Variants in UGGT2 observed in about 807,000 individuals in gnomAD.
The protein encoded by UGGT2 is UDP-glucose:glycoprotein glucosyltransferase 2.
A neutral mutation model predicts 192.1 loss-of-function variants in UGGT2; 180 were observed. The observed-to-expected ratio is 0.94, with a 90% CI of 0.83 to 1.06. UGGT2 has a LOEUF of 1.06. UGGT2 is among the 50% of genes least tolerant of loss of function. The pLI is 0.00. For synonymous variants in UGGT2, 580 were observed against 591.0 expected (o/e 0.98, Z 0.27); for missense variants, 1,849 against 1,795.7 (o/e 1.03, Z -0.54).
chr13:95,956,468 A>C (rs953288203), intron 12 of UGGT2, among the ~76,000 whole-genome samples: 25 of 152,236 alleles, frequency 1.6e-4, no homozygotes, highest in Non-Finnish European at 3.7e-4. Flanking sequence ...AACTCAACAA[A>C]AAACAAAGAA....
At chr13:95,912,089 AAAT>A (rs1309829362) in intron 20 of UGGT2, among the ~76,000 whole-genome samples, 1 of 152,194 alleles carries the variant, frequency 6.6e-6, no homozygotes, top group African/African-American at 2.4e-5. Context: ...ACATATCTCA[AAAT>A]AATAAGAGCT....
intron 1 of UGGT2, among the ~76,000 whole-genome samples, chr13:96,033,660 G>A (rs564656762): frequency 2.6e-4 from 39 of 152,176 alleles, no homozygotes; most frequent in Non-Finnish European, 5.1e-4. Context: ...CCCAATCCCT[G>A]CTTCAATTTC....
At chr13:95,956,163 A>G (rs2050206148) in intron 12 of UGGT2, among the ~76,000 whole-genome samples, 1 of 152,208 alleles carries the variant, frequency 6.6e-6, no homozygotes, top group Admixed American at 6.5e-5. Flanking sequence ...TTCAAAACTG[A>G]CTATAAAGCT....
At chr13:95,957,973 G>A (rs139154104) in intron 12 of UGGT2, among the ~76,000 whole-genome samples, 118 of 152,168 alleles carry the variant, frequency 7.8e-4, no homozygotes, top group African/African-American at 2.7e-3. Flanking sequence ...GAAAGAATAC[G>A]GTCTAAAGAG....
chr13:95,927,308 A>G lies in UGGT2; in HGVS notation c.2006T>C (p.Ile669Thr), dbSNP rs540044487. 1.1e-4 allele frequency: 179 copies of G among 1,609,690 alleles called. No homozygotes were observed. In the South Asian group the frequency reaches 1.7e-3, roughly 15 times the overall value. Reference sequence around the variant, plus strand: ...ATTATTCCTATCCATTAGAAAATCAATTGCATTCGTGCGATCATTTAATGT... The same window carrying G: ...ATTATTCCTATCCATTAGAAAATCAGTTGCATTCGTGCGATCATTTAATGT... ...LGTLNDRTNAIDFLMDRNNVV... is the reference protein window; with the variant it reads ...LGTLNDRTNATDFLMDRNNVV... The change falls in exon 18 of 39, where the codon ATT becomes ACT. Residue 669 changes from isoleucine to threonine, a missense_variant. Transcript: ENST00000376747.
At chr13:95,834,175 A>T (rs923308609) in intron 37 of UGGT2, among the ~76,000 whole-genome samples, 1 of 152,014 alleles carries the variant, frequency 6.6e-6, no homozygotes, top group African/African-American at 2.4e-5. Flanking sequence ...TTAAAAAAAT[A>T]AAAATATTAT....
At chr13:95,927,836 G>A (rs1381018654) in intron 17 of UGGT2, among the ~76,000 whole-genome samples, 2 of 152,194 alleles carry the variant, frequency 1.3e-5, no homozygotes, top group Non-Finnish European at 2.9e-5. Context: ...TTGTGTCCCT[G>A]GGTACTTGAG....
chr13:95,876,425 C>T (rs1317960232), intron 29 of UGGT2, among the ~76,000 whole-genome samples: 2 of 152,110 alleles, frequency 1.3e-5, no homozygotes, highest in African/African-American at 4.8e-5. Context: ...GGTGGTTGGA[C>T]AGGCTTGGAA....
chr13:95,973,002 C>T (rs2050823356), intron 10 of UGGT2, among the ~76,000 whole-genome samples: 1 of 152,132 alleles, frequency 6.6e-6, no homozygotes, highest in Non-Finnish European at 1.5e-5. Context: ...GAAACCCCAT[C>T]TCTACTAAAC....
chr13:95,991,868 T>C (rs1175357675), intron 7 of UGGT2, among the ~76,000 whole-genome samples: 1 of 152,198 alleles, frequency 6.6e-6, no homozygotes, highest in African/African-American at 2.4e-5. Context: ...ACTGAGTCAC[T>C]GTGGAAGACT....
intron 12 of UGGT2, among the ~76,000 whole-genome samples, chr13:95,949,970 A>C (rs1279972971): frequency 1.3e-5 from 2 of 152,312 alleles, no homozygotes; most frequent in Admixed American, 6.5e-5. Context: ...CCACCAATCA[A>C]GAAGTGAGGC....
chr13:95,859,453 T>G, intron 33 of UGGT2, 138 bp downstream of exon 33: 1 of 667,306 alleles, frequency 1.5e-6, no homozygotes, highest in South Asian at 2.2e-5. Flanking sequence ...AGAATTTTTC[T>G]TAAGCTACAT....
chr13:95,907,203 G>T (rs745492609), intron 20 of UGGT2, among the ~76,000 whole-genome samples: 2 of 152,222 alleles, frequency 1.3e-5, no homozygotes, highest in South Asian at 4.1e-4. Flanking sequence ...GCCTGGCTGG[G>T]GGAGGGGCGT....
intron 38 of UGGT2, among the ~76,000 whole-genome samples, chr13:95,824,952 T>G (rs1236124380): frequency 6.6e-6 from 1 of 152,198 alleles, no homozygotes; most frequent in Non-Finnish European, 1.5e-5. Flanking sequence ...TTTTAATTTC[T>G]TCTTTCCCCC....
chr13:95,833,363 T>C (rs889547033), intron 37 of UGGT2, among the ~76,000 whole-genome samples: 2 of 152,200 alleles, frequency 1.3e-5, no homozygotes, highest in African/African-American at 4.8e-5. Flanking sequence ...ATTACCACTA[T>C]GTAGAAGAAC....
intron 38 of UGGT2, among the ~76,000 whole-genome samples, chr13:95,818,278 T>C (rs985540951): frequency 3.9e-5 from 6 of 152,166 alleles, no homozygotes; most frequent in Non-Finnish European, 8.8e-5. Context: ...ATGCACTACA[T>C]GCAAGCCTGG....
At chr13:96,029,099 C>T (rs1433853549) in intron 2 of UGGT2, among the ~76,000 whole-genome samples, 3 of 151,896 alleles carry the variant, frequency 2.0e-5, no homozygotes, top group Admixed American at 6.6e-5. Flanking sequence ...GGCAGTTAGC[C>T]GAGATCATGC....
chr13:95,927,035 G>C lies in UGGT2; in HGVS notation c.2193C>G (p.Thr731=). ...AVIAKNMYYL[T]QDDESIISAV... ...ATAAAATATGCTTATTACCGTCTTG[G>C]GTTAAATAATACATGTTCTTTGCAA... The change falls in exon 19 of 39, where the codon ACC becomes ACG. Residue 731 remains threonine, a synonymous_variant. Coordinates refer to ENST00000376747, the MANE Select transcript of UGGT2 (RefSeq NM_020121.4). 1 of 1,603,142 alleles carries C rather than the reference G, an allele frequency of 6.2e-7. No individual in the cohort carries two copies. The highest frequency in any genetic ancestry group is 8.5e-7 in the Non-Finnish European group (1 of 1,176,562).
intron 10 of UGGT2, among the ~76,000 whole-genome samples, chr13:95,974,395 A>G (rs1015474248): frequency 2.0e-5 from 3 of 152,156 alleles, no homozygotes; most frequent in Admixed American, 6.5e-5. Context: ...CACCTCATAC[A>G]TTCGTTTTAG....
Sources: allele counts gnomAD v4.1 joint callset (sites outside exome capture counted in the v4.1 genomes callset), GRCh38; gene constraint gnomAD v4.1.1; transcripts MANE v1.5; gene names NCBI Gene and HGNC (gene_info 2026-07-23, HGNC 2026-07-21).